MADD: variants seen among roughly 807,000 people sequenced by gnomAD.
The protein encoded by MADD is MAP kinase activating death domain.
A neutral mutation model predicts 176.7 loss-of-function variants in MADD; 109 were observed. The observed-to-expected ratio is 0.62, with a 90% CI of 0.53 to 0.72. The LOEUF (loss-of-function observed/expected upper bound fraction) is 0.72. Ranked by LOEUF, MADD falls within the 30% of genes least tolerant of loss-of-function variation. MADD has a pLI of 0.00. For missense variants in MADD, 1,914 were observed against 2,045.5 expected, an observed-to-expected ratio of 0.94 and a Z score of 1.24; for synonymous variants, 771 against 771.3, an observed-to-expected ratio of 1.00 and a Z score of 0.01.
Position 47,308,962 on chromosome 11 carries a change from C to T in MADD, c.3751+263C>T. ...TCCTTTCTTGCTACCATGGTCCTTC[C>T]TGCTCTCAAATTGGCAGGAAGGGAC... On this transcript the variant is annotated intron_variant, in intron 23 of 32. Coordinates refer to ENST00000402192, the Ensembl canonical transcript of MADD. The T allele has an allele frequency of 6.2e-7, 1 of 1,612,206 alleles. No homozygotes were observed. The highest frequency in any genetic ancestry group is 8.5e-7 in the Non-Finnish European group (1 of 1,178,472).
In MADD at chr11:47,309,711, A is replaced by G. The variant is rs115892583; in HGVS notation, c.3978+99A>G. On this transcript the variant is annotated intron_variant, in intron 25 of 32. Transcript: ENST00000402192. ...GGGGTAGCTGGGAAGCTATCAAGGT[A>G]TCTTAACTTAGGGCTATCTTCTTGA... is the stretch of plus-strand genomic sequence containing the variant. The G allele has an allele frequency of 3.9e-4, 329 of 840,370 alleles. No homozygotes were observed. In the African/African-American group the frequency reaches 4.9e-3, roughly 12 times the overall value. The allele number at this position is 840,370 out of a possible 1,614,324, so 52.1% of individuals were successfully genotyped here.
intron 9 of MADD, 54 bp downstream of exon 9, chr11:47,282,670 G>T: frequency 1.3e-6 from 2 of 1,596,830 alleles, no homozygotes; most frequent in East Asian, 4.5e-5. Context: ...TCCTCCTGAT[G>T]GACTTTGATT....
At chr11:47,312,614 T>G (rs1245844297) in intron 26 of MADD, among the ~76,000 whole-genome samples, 1 of 152,182 alleles carries the variant, frequency 6.6e-6, no homozygotes, top group Non-Finnish European at 1.5e-5. Flanking sequence ...TTTTGTATTT[T>G]CAGTAGAGAT....
chr11:47,293,096 A>T (rs1040122506), intron 19 of MADD, among the ~76,000 whole-genome samples: 5 of 152,128 alleles, frequency 3.3e-5, no homozygotes, highest in Non-Finnish European at 5.9e-5. Context: ...TCTCAAACAT[A>T]GAAGTTGTAG....
chr11:47,324,861 T>C, intron 30 of MADD: 1 of 615,656 alleles, frequency 1.6e-6, no homozygotes, highest in Non-Finnish European at 2.9e-6. Context: ...ACAGTGTGAG[T>C]GGGAGCGTCT....
At chr11:47,322,395 C>G (rs2094606696) in intron 27 of MADD, among the ~76,000 whole-genome samples, 1 of 151,898 alleles carries the variant, frequency 6.6e-6, no homozygotes, top group Non-Finnish European at 1.5e-5. Context: ...ATCATGAAGT[C>G]AGGAGATCAA....
intron 27 of MADD, among the ~76,000 whole-genome samples, chr11:47,320,279 A>G (rs753693449): frequency 6.6e-6 from 1 of 150,420 alleles, no homozygotes; most frequent in Non-Finnish European, 1.5e-5. Flanking sequence ...AGATGGTGAA[A>G]CCCTGCCTCT....
chr11:47,301,276 C>G (rs11603847), intron 22 of MADD, among the ~76,000 whole-genome samples: 1 of 151,854 alleles, frequency 6.6e-6, no homozygotes, highest in East Asian at 1.9e-4. Context: ...CCACAACCGG[C>G]TAAATTTTTT....
In MADD at chr11:47,273,926, GAAGAAGTTCTGTCCTCGGT is replaced by G. The variant is rs1565247589; in HGVS notation, c.13_31del (p.Lys5TyrfsTer5). The G allele has an allele frequency of 6.2e-7, 1 of 1,613,990 alleles. No homozygotes were observed. ...GATGAATTGGAACCATGGTGCAAAAGAAGAAGTTCTGTCCTCGGTTACTTGACTATCTAGTGATCGTAGG... is the reference window on the plus strand; with the variant it reads ...GATGAATTGGAACCATGGTGCAAAAGTACTTGACTATCTAGTGATCGTAGG... On this transcript the variant is annotated frameshift_variant, in exon 2 of 33. Coordinates refer to ENST00000402192, the Ensembl canonical transcript of MADD. LOFTEE classifies it high-confidence loss of function.
chr11:47,313,845 C>T (rs1305633388), intron 26 of MADD, among the ~76,000 whole-genome samples: 3 of 151,750 alleles, frequency 2.0e-5, no homozygotes, highest in African/African-American at 7.3e-5. Context: ...CTACAACCTC[C>T]GCCTCCCAGG....
upstream of MADD, chr11:47,269,969 G>A (rs1958659300): frequency 6.6e-6 from 1 of 152,204 alleles, no homozygotes; most frequent in South Asian, 2.1e-4. Context: ...GCGCCCTCCC[G>A]CGCCCACGGG....
At chr11:47,281,417 T>C (rs2056602682) in intron 7 of MADD, among the ~76,000 whole-genome samples, 158 bp from the exon 8 acceptor site, 1 of 152,240 alleles carries the variant, frequency 6.6e-6, no homozygotes, top group Admixed American at 6.5e-5. Context: ...TGAAATGGGT[T>C]GGCCGTGATT....
At chr11:47,281,441 C>T (rs1332271814) in intron 7 of MADD, 134 bp from the exon 8 acceptor site, 4 of 591,148 alleles carry the variant, frequency 6.8e-6, no homozygotes, top group Middle Eastern at 4.9e-4. Context: ...AAATTAGCAC[C>T]GTTCTTTGTT....
chr11:47,292,598 T>G lies in MADD; in HGVS notation c.3302-1285T>G. ...AGCAAAAAGCTTTGGAAAAACAGAGTAAGGAACAAATGCCCTTTCCTGTTC... is the reference window on the plus strand; with the variant it reads ...AGCAAAAAGCTTTGGAAAAACAGAGGAAGGAACAAATGCCCTTTCCTGTTC... On this transcript the variant is annotated intron_variant, in intron 19 of 32. Transcript: ENST00000402192. 1 of 1,613,782 alleles carries G rather than the reference T, an allele frequency of 6.2e-7. No homozygotes were observed.
chr11:47,324,064 C>T, intron 28 of MADD: 1 of 643,170 alleles, frequency 1.6e-6, no homozygotes, highest in Admixed American at 2.7e-5. Flanking sequence ...GTACCCATGC[C>T]TTCTTTAAAG....
intron 19 of MADD, 150 bp from the exon 22 acceptor site, chr11:47,293,733 C>T (rs1261301285): frequency 5.1e-6 from 3 of 584,298 alleles, no homozygotes; most frequent in African/African-American, 3.8e-5. Flanking sequence ...TCCTCTTTTT[C>T]CAGTGGGTCC....
intron 20 of MADD, among the ~76,000 whole-genome samples, 157 bp downstream of exon 22, chr11:47,294,140 G>GGAGTT (rs1438411764): frequency 2.1e-5 from 3 of 145,838 alleles, no homozygotes; most frequent in Non-Finnish European, 1.5e-5. Flanking sequence ...ACCTGAGGTC[G>GGAGTT]GGAGTTCGAG....
chr11:47,278,685 C>T (rs1002984840), intron 6 of MADD, among the ~76,000 whole-genome samples: 4 of 151,942 alleles, frequency 2.6e-5, no homozygotes, highest in Admixed American at 1.3e-4. Flanking sequence ...TACATTCAGA[C>T]TTTGGTGGGA....
chr11:47,288,464 C>T (rs2062478500), intron 15 of MADD, among the ~76,000 whole-genome samples: 1 of 152,218 alleles, frequency 6.6e-6, no homozygotes, highest in African/African-American at 2.4e-5. Context: ...GGAAGGGTGT[C>T]AGTGTCACTG....
Sources: gnomAD v4.1 joint callset for allele counts (sites outside exome capture counted in the v4.1 genomes callset) on GRCh38, gnomAD v4.1.1 for gene constraint, MANE v1.5 for transcripts, NCBI Gene and HGNC (gene_info 2026-07-23, HGNC 2026-07-21) for gene names.